Variants in UBA2 observed in about 807,000 individuals in gnomAD.
UBA2 encodes SUMO-activating enzyme subunit 2.
In UBA2, 11 loss-of-function variants were observed where a neutral mutation model predicts 77.2. That is an observed-to-expected ratio of 0.14 (90% CI 0.09 to 0.24). The LOEUF is 0.24. Ranked by LOEUF, UBA2 falls within the 10% of genes least tolerant of loss-of-function variation. The pLI is 1.00. For missense variants in UBA2, 487 were observed against 781.7 expected (o/e 0.62, Z 4.50); for synonymous variants, 278 against 276.7 (o/e 1.00, Z -0.05).
chr19:34,440,586 G>C lies in UBA2; in HGVS notation c.581+1820G>C, dbSNP rs1333245771. Among the ~76,000 whole-genome samples the C allele has an allele frequency of 3.3e-5, 5 of 152,098 alleles. No homozygotes were observed. In the East Asian group the frequency reaches 9.6e-4, roughly 29 times the overall value. ...ATTATGGCATAAGAAACAATTGCTA[G>C]TCAGTCTCACACCTAAATAATAGAT... On this transcript the variant is annotated intron_variant, in intron 6 of 16. Coordinates refer to ENST00000246548, the MANE Select transcript of UBA2 (RefSeq NM_005499.3).
In UBA2 at chr19:34,464,000, G is replaced by C; in HGVS notation, c.1499-26G>C. 4 of 1,470,626 alleles carry C rather than the reference G, an allele frequency of 2.7e-6. No individual in the cohort carries two copies. In the South Asian group the frequency reaches 4.5e-5, roughly 17 times the overall value. The allele number at this position is 1,470,626 out of a possible 1,614,324, so 91.1% of individuals were successfully genotyped here. A position where few individuals can be genotyped will look rare whatever the true frequency, so the allele number is the denominator to read the frequency against. ...ACTGCTCTATGAAGATGTAACTGAA[G>C]TATCTAAATTATTCACGTTTCCTAG... On this transcript the variant is annotated intron_variant, in intron 14 of 16. Transcript: ENST00000246548.
At chr19:34,439,973 A>G (rs941699406) in intron 6 of UBA2, among the ~76,000 whole-genome samples, 2 of 152,176 alleles carry the variant, frequency 1.3e-5, no homozygotes, top group African/African-American at 4.8e-5. Flanking sequence ...AAGGGATGAT[A>G]ATAAGACCAT....
chr19:34,470,225 A>T lies in UBA2; in HGVS notation c.*1004A>T, dbSNP rs1175407588. 1.3e-5 allele frequency: 2 copies of T among 151,940 alleles called. No homozygotes were observed. The highest frequency in any genetic ancestry group is 1.9e-4 in the East Asian group (1 of 5,132). 9.4% of individuals were successfully genotyped at this position (151,940 alleles called of 1,614,324 possible). On this transcript the variant is annotated 3_prime_UTR_variant, in exon 17 of 17. Coordinates refer to ENST00000246548, the MANE Select transcript of UBA2 (RefSeq NM_005499.3). The stretch of plus-strand genomic sequence containing the variant: ...AGTGAGCCAAGATTGTGCTATTGCT[A>T]CTCCAGCCAGGGCGATGAGTGAAAC...
intron 12 of UBA2, among the ~76,000 whole-genome samples, chr19:34,457,353 C>T (rs547180233): frequency 2.2e-3 from 325 of 151,158 alleles, no homozygotes; most frequent in African/African-American, 7.4e-3. Flanking sequence ...GCAACAAGAG[C>T]GAAACTCTGC....
At position 34,444,054 on chromosome 19, in the gene UBA2, T is replaced by G. The variant is rs549123791; in HGVS notation, c.649+143T>G. On this transcript the variant is annotated intron_variant, in intron 7 of 16. Transcript: ENST00000246548. ...ATGTGTTTTTTTTTTGTTTTTTTTTTTTTTTTTTTTTTTTGTCTCAGAGGT... is the reference window on the plus strand; with the variant it reads ...ATGTGTTTTTTTTTTGTTTTTTTTTGTTTTTTTTTTTTTTGTCTCAGAGGT... 946 of 432,664 alleles carry G rather than the reference T, an allele frequency of 2.2e-3. 3 individuals are homozygous for G. Among genetic ancestry groups the G allele is most frequent in the Middle Eastern group, 5.2e-3 (8 of 1,550 alleles). 26.8% of individuals were successfully genotyped at this position (432,664 alleles called of 1,614,324 possible). A position where few individuals can be genotyped will look rare whatever the true frequency, so the allele number is the denominator to read the frequency against.
rs2075721049 is a variant in UBA2, at chr19:34,469,746, T to G, written c.*525T>G. 2 of 152,650 alleles carry G rather than the reference T, an allele frequency of 1.3e-5. No individual in the cohort carries two copies. The highest frequency in any genetic ancestry group is 4.8e-5 in the African/African-American group (2 of 41,450). 9.5% of individuals were successfully genotyped at this position (152,650 alleles called of 1,614,324 possible). On this transcript the variant is annotated 3_prime_UTR_variant, in exon 17 of 17. Transcript: ENST00000246548. Reference sequence around the variant, plus strand: ...AAAACAATGTTAATTTACTCAAGTTTTCAGTTTGTACCGCCTGGTATGTCT... The same window carrying G: ...AAAACAATGTTAATTTACTCAAGTTGTCAGTTTGTACCGCCTGGTATGTCT...
At position 34,470,219 on chromosome 19, in the gene UBA2, A is replaced by AT. The variant is rs1385867137; in HGVS notation, c.*1000dup. The AT allele has an allele frequency of 1.1e-4, 17 of 152,178 alleles. No individual in the cohort carries two copies. Among genetic ancestry groups the AT allele is most frequent in the African/African-American group, 3.6e-4 (15 of 41,422 alleles). 9.4% of individuals were successfully genotyped at this position (152,178 alleles called of 1,614,324 possible). ...GGTTGCAGTGAGCCAAGATTGTGCT[A>AT]TTGCTACTCCAGCCAGGGCGATGAG... On this transcript the variant is annotated 3_prime_UTR_variant, in exon 17 of 17. Coordinates refer to ENST00000246548, the MANE Select transcript of UBA2 (RefSeq NM_005499.3).
chr19:34,449,602 AG>A (rs1035204830), intron 8 of UBA2, among the ~76,000 whole-genome samples: 2 of 152,242 alleles, frequency 1.3e-5, no homozygotes, highest in Admixed American at 6.5e-5. Flanking sequence ...ATAAGGAAAA[AG>A]AAAAAAATAT....
chr19:34,453,641 A>G (rs1220489772), intron 10 of UBA2, among the ~76,000 whole-genome samples: 1 of 150,606 alleles, frequency 6.6e-6, no homozygotes, highest in Non-Finnish European at 1.5e-5. Context: ...CCGCCACCTC[A>G]GGCTCCCGAG....
Position 34,454,547 on chromosome 19 carries a change from G to A in UBA2, c.1236G>A (p.Gln412=). The A allele has an allele frequency of 6.5e-7, 1 of 1,548,716 alleles. No individual in the cohort carries two copies. Among genetic ancestry groups the A allele is most frequent in the South Asian group, 1.2e-5 (1 of 83,452 alleles). ...GLKILSGKID[Q]CRTIFLNKQP... is the part of the protein sequence containing the mutation. ...AGATTTTATCAGGAAAAATAGACCA[G>A]TGCAGAACAGTGAGTATTTCTGTTT... is the stretch of plus-strand genomic sequence containing the variant. Residue 412 remains glutamine, a synonymous_variant, in exon 12 of 17, where the codon CAG becomes CAA. Coordinates refer to ENST00000246548, the MANE Select transcript of UBA2 (RefSeq NM_005499.3).
chr19:34,456,100 C>CTTTTTTTTTTTTTTTTTTTT lies in UBA2; in HGVS notation c.1245+1549_1245+1550insTTTTTTTTTTTTTTTTTTTT, dbSNP rs869118014. Among the ~76,000 whole-genome samples the CTTTTTTTTTTTTTTTTTTTT allele has an allele frequency of 6.6e-3, 368 of 55,792 alleles. 111 individuals are homozygous for CTTTTTTTTTTTTTTTTTTTT. The highest frequency in any genetic ancestry group is 0.06 in the East Asian group (107 of 1,778). The allele number at this position is 55,792 out of a possible 152,430, so 36.6% of individuals were successfully genotyped here. ...CCCGATGCGCTCTTTTTTTCCTTTT[C>CTTTTTTTTTTTTTTTTTTTT]TTTTTCTTTTTTTTTTTTTTTTTTG... On this transcript the variant is annotated intron_variant, in intron 12 of 16. Coordinates refer to ENST00000246548, the MANE Select transcript of UBA2 (RefSeq NM_005499.3).
rs181747045 is a variant in UBA2, at chr19:34,454,178, C to T, written c.1039-82C>T. 817 of 1,221,384 alleles carry T rather than the reference C, an allele frequency of 6.7e-4. 1 individual carries two copies. Among genetic ancestry groups the T allele is most frequent in the Middle Eastern group, 5.4e-3 (19 of 3,500 alleles). 75.7% of individuals were successfully genotyped at this position (1,221,384 alleles called of 1,614,324 possible). Reference sequence around the variant, plus strand: ...TCGAAAGTCTATAGTATTATAAACACGTGAAAGTATTGTTCTGAAAGTAAT... The same window carrying T: ...TCGAAAGTCTATAGTATTATAAACATGTGAAAGTATTGTTCTGAAAGTAAT... On this transcript the variant is annotated intron_variant, in intron 10 of 16. Coordinates refer to ENST00000246548, the MANE Select transcript of UBA2 (RefSeq NM_005499.3).
At chr19:34,466,723 A>C (rs1048745315) in intron 15 of UBA2, among the ~76,000 whole-genome samples, 155 bp from the exon 16 acceptor site, 2 of 151,766 alleles carry the variant, frequency 1.3e-5, no homozygotes, top group African/African-American at 4.8e-5. Flanking sequence ...ATGAGACCCT[A>C]TCTCTCATTT....
chr19:34,459,655 T>C (rs2075609361), intron 13 of UBA2, among the ~76,000 whole-genome samples: 1 of 152,174 alleles, frequency 6.6e-6, no homozygotes, highest in Non-Finnish European at 1.5e-5. Flanking sequence ...ATTTTCTTTT[T>C]TTATGACCCA....
intron 3 of UBA2, 52 bp from the exon 4 acceptor site, chr19:34,433,296 A>G: frequency 1.6e-6 from 2 of 1,271,554 alleles, no homozygotes; most frequent in Non-Finnish European, 2.3e-6. Context: ...TACTGCAAAG[A>G]TCATGTGGAA....
intron 14 of UBA2, among the ~76,000 whole-genome samples, chr19:34,463,504 T>C (rs1305164478): frequency 6.6e-6 from 1 of 152,218 alleles, no homozygotes; most frequent in Admixed American, 6.5e-5. Flanking sequence ...TGCAGATAGC[T>C]GCCTTTCTGT....
At chr19:34,464,271 T>G in intron 15 of UBA2, 140 bp downstream of exon 15, 2 of 594,052 alleles carry the variant, frequency 3.4e-6, no homozygotes, top group Non-Finnish European at 5.8e-6. Flanking sequence ...AGTTGGTCAC[T>G]GAGTTCCGTG....
chr19:34,458,888 T>C lies in UBA2; in HGVS notation c.1365T>C (p.Asn455=), dbSNP rs2075601408. ...AGCCAGAGGTGACTGTGCGGCTGAA[T>C]GTCCATAAAGTGACTGTTCTCACCT... ...ASKPEVTVRL[N]VHKVTVLTLQ... The change falls in exon 13 of 17, where the codon AAT becomes AAC. Residue 455 remains asparagine, a synonymous_variant. Coordinates refer to ENST00000246548, the MANE Select transcript of UBA2 (RefSeq NM_005499.3). 6.2e-7 allele frequency: 1 copy of C among 1,614,174 alleles called. No homozygotes were observed. Among genetic ancestry groups the C allele is most frequent in the Non-Finnish European group, 8.5e-7 (1 of 1,180,026 alleles).
intron 12 of UBA2, 29 bp downstream of exon 12, chr19:34,454,585 A>G (rs1173398905): frequency 9.0e-7 from 1 of 1,110,228 alleles, no homozygotes. Flanking sequence ...ATTTTTATGC[A>G]ACCCCCCTTA....
Sources: gnomAD v4.1 joint callset for allele counts (sites outside exome capture counted in the v4.1 genomes callset) on GRCh38, gnomAD v4.1.1 for gene constraint, MANE v1.5 for transcripts, NCBI Gene and HGNC (gene_info 2026-07-23, HGNC 2026-07-21) for gene names.